The following SATB2 variants were observed in gnomAD, a reference collection of about 807,000 sequenced individuals.
The protein encoded by SATB2 is DNA-binding protein SATB2.
Under a neutral mutation model 73.4 loss-of-function variants are expected in SATB2, and 1 was observed. The ratio of observed to expected loss-of-function variants is 0.01; its 90% confidence interval spans 0.00 to 0.06. The LOEUF is 0.06. SATB2 is among the 10% of genes least tolerant of loss of function. The pLI is 1.00. For missense variants in SATB2, 459 were observed against 945.8 expected (o/e 0.49, Z 6.75); for synonymous variants, 397 against 367.0 (o/e 1.08, Z -0.93).
intron 7 of SATB2, among the ~76,000 whole-genome samples, chr2:199,345,686 A>G (rs775657991): frequency 6.6e-6 from 1 of 151,854 alleles, no homozygotes; most frequent in Non-Finnish European, 1.5e-5. Flanking sequence ...TCTTCTCTGC[A>G]CCCTCCCCAG....
At chr2:199,274,676 A>G (rs1692257143) in intron 10 of SATB2, among the ~76,000 whole-genome samples, 1 of 152,238 alleles carries the variant, frequency 6.6e-6, no homozygotes, top group African/African-American at 2.4e-5. Flanking sequence ...CATAATGTTG[A>G]CCAATTAAAA....
In SATB2 at chr2:199,464,618, G is replaced by C. The variant is rs1297980045; in HGVS notation, c.-141+218C>G. Among the ~76,000 whole-genome samples, 2 of 152,180 alleles carry C rather than the reference G, an allele frequency of 1.3e-5. No individual in the cohort carries two copies. The highest frequency in any genetic ancestry group is 4.8e-5 in the African/African-American group (2 of 41,450). On this transcript the variant is annotated intron_variant, in intron 1 of 11. Transcript: ENST00000260926. This position sits in a 1 kb window ranked among gnomAD's most constrained non-coding sequence, Gnocchi z 6.6. ...GGCGCGAACACCAGCGCTCCGGCCG[G>C]GTCGCAGGGGCCGGTGCCCAGCGGG... is the stretch of plus-strand genomic sequence containing the variant.
intron 3 of SATB2, among the ~76,000 whole-genome samples, chr2:199,408,826 T>A (rs563119823): frequency 3.9e-5 from 6 of 152,276 alleles, no homozygotes; most frequent in African/African-American, 1.4e-4. Flanking sequence ...AATGGTGATG[T>A]CTACAGCCTC....
At chr2:199,406,534 A>G (rs1690633855) in intron 3 of SATB2, among the ~76,000 whole-genome samples, 1 of 152,204 alleles carries the variant, frequency 6.6e-6, no homozygotes, top group African/African-American at 2.4e-5. Flanking sequence ...GCCTTCTAAG[A>G]GCTGCAGGCT....
rs1692199046 is a variant in SATB2 at position 199,272,717 on chromosome 2, T to C, written c.1741-45A>G. On this transcript the variant is annotated intron_variant, in intron 10 of 10. Coordinates refer to ENST00000417098, the MANE Select transcript of SATB2 (RefSeq NM_001172509.2). This position sits in a 1 kb window ranked among gnomAD's most constrained non-coding sequence, Gnocchi z 6.7. ...AAAATGAACACTGGACTCATGATTT[T>C]ACCTTTCCAAAACCATCAGCCCTCT... 1.3e-6 allele frequency: 2 copies of C among 1,556,614 alleles called. No individual in the cohort carries two copies. The highest frequency in any genetic ancestry group is 1.7e-5 in the Admixed American group (1 of 59,952).
chr2:199,348,896 G>A lies in SATB2; in HGVS notation c.978C>T (p.Leu326=), dbSNP rs1559175026. The A allele has an allele frequency of 2.5e-6, 4 of 1,614,164 alleles. No individual in the cohort carries two copies. Among genetic ancestry groups the A allele is most frequent in the South Asian group, 2.2e-5 (2 of 91,082 alleles). The part of the protein sequence containing the change: ...LINQQIAVSR[L]LAHQHPQAIN... ...TGGCTTGAGGATGCTGGTGAGCCAG[G>A]AGCCGGCTAACGGCAATCTGTTGGT... Residue 326 remains leucine, a synonymous_variant, in exon 7 of 11, where the codon CTC becomes CTT. Transcript: ENST00000417098.
intron 7 of SATB2, among the ~76,000 whole-genome samples, chr2:199,339,940 C>A (rs180802583): frequency 3.9e-5 from 6 of 152,282 alleles, no homozygotes; most frequent in Admixed American, 6.5e-5. Context: ...CCTAACTGTG[C>A]CACTTCAAAA....
chr2:199,326,857 C>T (rs1302942319), intron 8 of SATB2, among the ~76,000 whole-genome samples: 1 of 152,034 alleles, frequency 6.6e-6, no homozygotes, highest in East Asian at 1.9e-4. Context: ...GTAACTAAAA[C>T]TCATAATTCA....
chr2:199,450,541 C>T (rs1232446463), intron 2 of SATB2, among the ~76,000 whole-genome samples: 1 of 152,022 alleles, frequency 6.6e-6, no homozygotes, highest in East Asian at 1.9e-4. Context: ...ACATATTTTA[C>T]ACACCTAATG....
intron 5 of SATB2, among the ~76,000 whole-genome samples, chr2:199,375,805 G>C (rs755543742): frequency 1.3e-5 from 2 of 152,112 alleles, no homozygotes; most frequent in Non-Finnish European, 2.9e-5. Flanking sequence ...TATTGAAAGG[G>C]TTTTAGTTCC....
Position 199,348,975 on chromosome 2 carries a change from G to T in SATB2, c.899C>A (p.Pro300His). 6.2e-7 allele frequency: 1 copy of T among 1,614,116 alleles called. No homozygotes were observed. Among genetic ancestry groups the T allele is most frequent in the African/African-American group, 1.3e-5 (1 of 75,040 alleles). Residue 300 changes from proline (P) to histidine (H), a missense_variant, in exon 7 of 11, where the codon CCC (proline) becomes CAC (histidine). Pro to His is a moderately conservative substitution (Grantham distance 77). This residue lies in a region of SATB2 where 77 missense variants were observed against 90.4 expected (regional missense o/e 0.85). Transcript: ENST00000417098. ...QPIMSPGLLS[P>H]QLSPQLVRQQ... ...CCTTACAAGTTGTGGACTAAGCTGGGGAGAAAGAAGACCAGGGCTCATGAT... is the reference window on the plus strand; with the variant it reads ...CCTTACAAGTTGTGGACTAAGCTGGTGAGAAAGAAGACCAGGGCTCATGAT...
At chr2:199,386,329 C>T (rs1456005489) in intron 3 of SATB2, among the ~76,000 whole-genome samples, 1 of 152,106 alleles carries the variant, frequency 6.6e-6, no homozygotes, top group Non-Finnish European at 1.5e-5. Context: ...ATTTGAGATG[C>T]TCAACCGGTA....
chr2:199,432,814 G>A (rs1405703097), intron 3 of SATB2, among the ~76,000 whole-genome samples: 2 of 152,112 alleles, frequency 1.3e-5, no homozygotes, highest in Admixed American at 6.6e-5. Context: ...AATCAAATAA[G>A]TGAAAGGAAT....
chr2:199,342,689 A>G (rs958263675), intron 7 of SATB2, among the ~76,000 whole-genome samples: 1 of 152,220 alleles, frequency 6.6e-6, no homozygotes, highest in African/African-American at 2.4e-5. Context: ...AAACCAAAAG[A>G]GAAATGTAAG....
intron 3 of SATB2, among the ~76,000 whole-genome samples, chr2:199,386,706 GCGCGCGCGCGCACACACACACACACACA>G (rs760607153): frequency 4.0e-4 from 38 of 95,914 alleles, no homozygotes; most frequent in Non-Finnish European, 4.5e-4. Flanking sequence ...GCGCGCGCGC[GCGCGCGCGCGCACACACACACACACACA>G]CACACACACA....
intron 10 of SATB2, among the ~76,000 whole-genome samples, chr2:199,293,517 AT>A (rs1419836761): frequency 6.6e-6 from 1 of 152,146 alleles, no homozygotes; most frequent in Non-Finnish European, 1.5e-5. Context: ...TATTAATAAT[AT>A]TTTTTAAATA....
At chr2:199,399,616 C>G (rs1293897216) in intron 3 of SATB2, among the ~76,000 whole-genome samples, 1 of 152,154 alleles carries the variant, frequency 6.6e-6, no homozygotes, top group Admixed American at 6.5e-5. Context: ...CAGGAAGAAG[C>G]ATGTTGCTGG....
At chr2:199,345,007 A>G (rs1466487169) in intron 7 of SATB2, among the ~76,000 whole-genome samples, 4 of 152,066 alleles carry the variant, frequency 2.6e-5, no homozygotes, top group African/African-American at 7.2e-5. Flanking sequence ...ACAAGTAGAC[A>G]AGTCTTCTTC....
At chr2:199,381,343 C>A (rs983146425) in intron 4 of SATB2, among the ~76,000 whole-genome samples, 6 of 152,146 alleles carry the variant, frequency 3.9e-5, no homozygotes, top group Non-Finnish European at 8.8e-5. Context: ...GGTGTTTATT[C>A]TTCAAATACT....
Sources: gnomAD v4.1 joint callset for allele counts (sites outside exome capture counted in the v4.1 genomes callset) on GRCh38, gnomAD v4.1.1 for gene constraint, gnomAD v4.1.1 regional missense constraint, Gnocchi (gnomAD v3.1) non-coding constraint, MANE v1.5 for transcripts, NCBI Gene and HGNC (gene_info 2026-07-23, HGNC 2026-07-21) for gene names.